The following PTPRK variants were observed in gnomAD, a reference collection of about 807,000 sequenced individuals.
PTPRK encodes the protein protein tyrosine phosphatase receptor type K.
In PTPRK, 75 loss-of-function variants were observed where a neutral mutation model predicts 178.0. That is an observed-to-expected ratio of 0.42 (90% CI 0.35 to 0.51). The LOEUF is 0.51. PTPRK is among the 20% of genes least tolerant of loss of function. PTPRK has a pLI of 0.02. For synonymous variants in PTPRK, 637 were observed against 620.6 expected (o/e 1.03, Z -0.39); for missense variants, 1,441 against 1,797.8 (o/e 0.80, Z 3.59).
intron 1 of PTPRK, among the ~76,000 whole-genome samples, chr6:128,461,474 T>C (rs188705449): frequency 2.0e-4 from 31 of 152,316 alleles, no homozygotes; most frequent in African/African-American, 6.7e-4. Flanking sequence ...CCAGCACACA[T>C]TGACCTGTTT....
At chr6:128,157,189 T>G (rs901004456) in intron 7 of PTPRK, among the ~76,000 whole-genome samples, 1 of 152,014 alleles carries the variant, frequency 6.6e-6, no homozygotes, top group African/African-American at 2.4e-5. Flanking sequence ...CAGACTCCAC[T>G]AGAGAATTAA....
intron 1 of PTPRK, among the ~76,000 whole-genome samples, chr6:128,420,196 C>T (rs1004584423): frequency 4.6e-5 from 7 of 151,822 alleles, no homozygotes; most frequent in Non-Finnish European, 7.4e-5. Flanking sequence ...GATAGTGTGT[C>T]GAGAAAAATA....
intron 1 of PTPRK, among the ~76,000 whole-genome samples, chr6:128,507,862 C>G (rs1231959116): frequency 6.6e-6 from 1 of 152,108 alleles, no homozygotes; most frequent in Non-Finnish European, 1.5e-5. Flanking sequence ...AACAAATGTG[C>G]TCTCTCCTCT....
intron 7 of PTPRK, among the ~76,000 whole-genome samples, chr6:128,123,079 A>C (rs1026967586): frequency 6.6e-6 from 1 of 152,196 alleles, no homozygotes; most frequent in African/African-American, 2.4e-5. Flanking sequence ...CCCTAAATTC[A>C]ATGATGAATA....
chr6:128,046,970 C>T (rs1778130893), intron 13 of PTPRK, among the ~76,000 whole-genome samples: 1 of 152,062 alleles, frequency 6.6e-6, no homozygotes, highest in African/African-American at 2.4e-5. Context: ...TCCATCTGCA[C>T]AGAGAAAAGG....
chr6:128,236,191 A>T (rs1396585088), intron 5 of PTPRK, among the ~76,000 whole-genome samples: 5 of 152,114 alleles, frequency 3.3e-5, no homozygotes. Flanking sequence ...AACTTAGAAG[A>T]TTTAAAAAAT....
Position 127,985,807 on chromosome 6 carries a change from G to A in PTPRK, c.3165C>T (p.Pro1055=). 2 of 1,613,864 alleles carry A rather than the reference G, an allele frequency of 1.2e-6. No individual in the cohort carries two copies. The highest frequency in any genetic ancestry group is 1.7e-6 in the Non-Finnish European group (2 of 1,179,844). Reference sequence around the variant, plus strand: ...AGGAAAGCAGCCCTGTAGCATGGTAGGGCACTCCATGGTCAGGCCAGCCCG... The same window carrying A: ...AGGAAAGCAGCCCTGTAGCATGGTAAGGCACTCCATGGTCAGGCCAGCCCG... ...HFTGWPDHGV[P]YHATGLLSFI... Residue 1055 remains proline, a synonymous_variant, in exon 22 of 30, where the codon CCC becomes CCT. Transcript: ENST00000368226.
At chr6:128,350,339 T>C (rs1212208854) in intron 2 of PTPRK, among the ~76,000 whole-genome samples, 1 of 152,176 alleles carries the variant, frequency 6.6e-6, no homozygotes, top group African/African-American at 2.4e-5. Flanking sequence ...CAGCAGGTAT[T>C]ATATATGTTG....
chr6:128,374,540 T>A (rs953432794), intron 2 of PTPRK, among the ~76,000 whole-genome samples: 1 of 152,122 alleles, frequency 6.6e-6, no homozygotes, highest in African/African-American at 2.4e-5. Context: ...AAAACAATAT[T>A]CACTCATCCA....
intron 5 of PTPRK, among the ~76,000 whole-genome samples, chr6:128,228,703 T>G (rs1811819355): frequency 6.7e-6 from 1 of 150,300 alleles, no homozygotes; most frequent in African/African-American, 2.4e-5. Flanking sequence ...CAAAAAATTT[T>G]CTAAAATAAA....
At chr6:128,196,131 G>A (rs1490462034) in intron 6 of PTPRK, among the ~76,000 whole-genome samples, 1 of 152,094 alleles carries the variant, frequency 6.6e-6, no homozygotes, top group African/African-American at 2.4e-5. Flanking sequence ...AAGAAAGGCA[G>A]GTTTTCATGG....
At chr6:128,146,412 GTGTGTGTGTTTA>G in intron 7 of PTPRK, among the ~76,000 whole-genome samples, 1 of 150,636 alleles carries the variant, frequency 6.6e-6, no homozygotes, top group East Asian at 1.9e-4. Context: ...GTGTTTATGT[GTGTGTGTGTTTA>G]TGTGTGTGTG....
chr6:128,244,033 C>G (rs1364807562), intron 3 of PTPRK, among the ~76,000 whole-genome samples: 2 of 152,154 alleles, frequency 1.3e-5, no homozygotes, highest in Non-Finnish European at 2.9e-5. Flanking sequence ...GTAGAACTTA[C>G]TGACTCAGTT....
At chr6:128,238,209 A>AAAG in intron 5 of PTPRK, 1 of 349,970 alleles carries the variant, frequency 2.9e-6, no homozygotes, top group Non-Finnish European at 5.2e-6. Context: ...AAAAGAAAAG[A>AAAG]AAAAAAAAAG....
intron 7 of PTPRK, among the ~76,000 whole-genome samples, chr6:128,097,753 T>A (rs1010064139): frequency 3.9e-5 from 6 of 152,160 alleles, no homozygotes; most frequent in Non-Finnish European, 7.4e-5. Flanking sequence ...CTGTCTATAC[T>A]TGGAAAAATA....
chr6:128,069,935 T>C lies in PTPRK; in HGVS notation c.1884-2143A>G, dbSNP rs572769772. Among the ~76,000 whole-genome samples the C allele has an allele frequency of 4.1e-4, 62 of 152,196 alleles. No individual in the cohort carries two copies. In the South Asian group the frequency reaches 7.5e-3, roughly 18 times the overall value. On this transcript the variant is annotated intron_variant, in intron 11 of 29. Coordinates refer to ENST00000368226, the MANE Select transcript of PTPRK (RefSeq NM_002844.4). ...GGAAAGAGCCTTAAGTATGGTCCCA[T>C]AGAAAATAAAAATCAATGCCTTGGG... is the stretch of plus-strand genomic sequence containing the variant.
At chr6:128,456,010 C>A (rs1012401637) in intron 1 of PTPRK, among the ~76,000 whole-genome samples, 3 of 152,014 alleles carry the variant, frequency 2.0e-5, no homozygotes, top group African/African-American at 7.2e-5. Flanking sequence ...TAGACAGAAC[C>A]AGGGAATTAT....
intron 7 of PTPRK, among the ~76,000 whole-genome samples, chr6:128,097,669 A>G (rs1013604506): frequency 1.9e-4 from 29 of 152,192 alleles, no homozygotes; most frequent in African/African-American, 7.0e-4. Flanking sequence ...ACAATCAATG[A>G]ATCCACTTCG....
At chr6:128,067,051 A>G (rs970039745) in intron 12 of PTPRK, among the ~76,000 whole-genome samples, 5 of 152,176 alleles carry the variant, frequency 3.3e-5, no homozygotes, top group Non-Finnish European at 7.4e-5. Context: ...GGATTGTTAC[A>G]TGTTATTTAC....
Sources: gnomAD v4.1 joint callset for allele counts (sites outside exome capture counted in the v4.1 genomes callset) on GRCh38, gnomAD v4.1.1 for gene constraint, MANE v1.5 for transcripts, NCBI Gene and HGNC (gene_info 2026-07-23, HGNC 2026-07-21) for gene names.